Variants in HSD17B6 observed in about 807,000 individuals in gnomAD.
HSD17B6 encodes the protein hydroxysteroid 17-beta dehydrogenase 6.
Under a neutral mutation model 26.4 loss-of-function variants are expected in HSD17B6, and 16 were observed. The ratio of observed to expected loss-of-function variants is 0.61; its 90% CI spans 0.41 to 0.92. The LOEUF (loss-of-function observed/expected upper bound fraction) is 0.92. Among genes scored for constraint, HSD17B6 ranks in the 40% least tolerant of loss-of-function variants. The probability of loss-of-function intolerance (pLI) is 0.00; values close to 1 mark genes in which losing one functional copy is unlikely to be tolerated. For synonymous variants in HSD17B6, 139 were observed against 153.0 expected, an observed-to-expected ratio of 0.91 and a Z score of 0.68; for missense variants, 357 against 386.1, an observed-to-expected ratio of 0.92 and a Z score of 0.63.
At position 56,784,938 on chromosome 12, in the gene HSD17B6, T is replaced by G; in HGVS notation, c.658T>G (p.Leu220Val). ...RTGMTNMTQSLERMKQSWKEA... is the reference protein window; with the variant it reads ...RTGMTNMTQSVERMKQSWKEA... ...GGGAATGACAAACATGACACAGTCC[T>G]TAGAGCGAATGAAGCAAAGTTGGAA... Residue 220 changes from leucine to valine, a missense_variant, in exon 4 of 5, where the codon TTA becomes GTA. Physicochemically the swap from Leu to Val is conservative, Grantham distance 32 (BLOSUM62 1). Coordinates refer to ENST00000322165, the MANE Select transcript of HSD17B6 (RefSeq NM_003725.4). 1 of 1,614,076 alleles carries G rather than the reference T, an allele frequency of 6.2e-7. No homozygotes were observed. Among genetic ancestry groups the G allele is most frequent in the South Asian group, 1.1e-5 (1 of 91,076 alleles).
intron 4 of HSD17B6, 117 bp from the exon 5 acceptor site, chr12:56,787,008 C>A: frequency 1.3e-6 from 1 of 743,248 alleles, no homozygotes; most frequent in Non-Finnish European, 2.2e-6. Context: ...TATTGGGATG[C>A]ACATTCTAGA....
intron 2 of HSD17B6, among the ~76,000 whole-genome samples, chr12:56,777,779 T>A (rs1248218680): frequency 6.6e-6 from 1 of 151,908 alleles, no homozygotes; most frequent in Non-Finnish European, 1.5e-5. Context: ...TCCAGCACTT[T>A]GGGAGGCCGG....
intron 1 of HSD17B6, among the ~76,000 whole-genome samples, chr12:56,767,542 A>C (rs1954359511): frequency 6.8e-6 from 1 of 147,842 alleles, no homozygotes; most frequent in Non-Finnish European, 1.5e-5. Flanking sequence ...AAAACAAAAA[A>C]AAAACAAAAA....
intron 1 of HSD17B6, among the ~76,000 whole-genome samples, chr12:56,771,448 ATTTTTTTTTTT>A (rs35374137): frequency 1.1e-5 from 1 of 93,328 alleles, no homozygotes; most frequent in Non-Finnish European, 2.1e-5. Context: ...AAGGGTTGCA[ATTTTTTTTTTT>A]TTTTTTTTTT....
chr12:56,783,842 G>A (rs1954804615), intron 3 of HSD17B6, among the ~76,000 whole-genome samples: 1 of 151,986 alleles, frequency 6.6e-6, no homozygotes, highest in African/African-American at 2.4e-5. Flanking sequence ...CTCCCGGAGG[G>A]GGTGGCTGCC....
At chr12:56,776,316 T>A (rs1954592163) in intron 2 of HSD17B6, among the ~76,000 whole-genome samples, 1 of 149,928 alleles carries the variant, frequency 6.7e-6, no homozygotes. Flanking sequence ...TTTTTTTTTT[T>A]TTTTTTGAGA....
In HSD17B6 at chr12:56,773,958, G is replaced by C. The variant is rs757482752; in HGVS notation, c.106G>C (p.Gly36Arg). The C allele has an allele frequency of 1.9e-6, 3 of 1,614,120 alleles. No individual in the cohort carries two copies. Among genetic ancestry groups the C allele is most frequent in the South Asian group, 2.2e-5 (2 of 91,082 alleles). The change falls in exon 2 of 5, where the codon GGC (glycine) becomes CGC (arginine). Residue 36 changes from glycine to arginine, a missense_variant. Coordinates refer to ENST00000322165, the MANE Select transcript of HSD17B6 (RefSeq NM_003725.4). ...CCAAGACAAGTATGTCTTTATCACG[G>C]GCTGTGACTCGGGCTTTGGGAACCT... is the stretch of plus-strand genomic sequence containing the variant. ...HLQDKYVFIT[G>R]CDSGFGNLLA...
intron 4 of HSD17B6, among the ~76,000 whole-genome samples, chr12:56,786,249 G>GTTTTTT (rs56722036): frequency 7.9e-6 from 1 of 127,136 alleles, no homozygotes; most frequent in East Asian, 2.3e-4. Flanking sequence ...TAAGTTGTGT[G>GTTTTTT]TTTTTTTTTT....
In HSD17B6 at chr12:56,784,921, C is replaced by G. The variant is rs749147538; in HGVS notation, c.641C>G (p.Thr214Arg). The G allele has an allele frequency of 1.9e-6, 3 of 1,613,958 alleles. No homozygotes were observed. The highest frequency in any genetic ancestry group is 2.5e-6 in the Non-Finnish European group (3 of 1,179,996). The change falls in exon 4 of 5, where the codon ACA becomes AGA. Residue 214 changes from threonine to arginine, a missense_variant. Coordinates refer to ENST00000322165, the MANE Select transcript of HSD17B6 (RefSeq NM_003725.4). ...VEPGYFRTGMTNMTQSLERMK... is the reference protein window; with the variant it reads ...VEPGYFRTGMRNMTQSLERMK... The stretch of plus-strand genomic sequence containing the variant: ...CCTGGCTACTTCAGAACGGGAATGA[C>G]AAACATGACACAGTCCTTAGAGCGA...
chr12:56,777,137 A>G (rs1210118995), intron 2 of HSD17B6, among the ~76,000 whole-genome samples: 1 of 152,148 alleles, frequency 6.6e-6, no homozygotes, highest in Non-Finnish European at 1.5e-5. Context: ...AGTTCCAGCT[A>G]CTTGAGAGGC....
intron 2 of HSD17B6, among the ~76,000 whole-genome samples, chr12:56,774,702 G>T (rs1041747732): frequency 6.6e-6 from 1 of 152,188 alleles, no homozygotes; most frequent in Non-Finnish European, 1.5e-5. Context: ...AGATCATCAG[G>T]CATTAGATTC....
chr12:56,779,120 A>G (rs1323791976), intron 2 of HSD17B6, among the ~76,000 whole-genome samples: 3 of 151,640 alleles, frequency 2.0e-5, no homozygotes, highest in Non-Finnish European at 2.9e-5. Flanking sequence ...TCTTTCATCT[A>G]TACTACTTTA....
At chr12:56,783,260 CG>C (rs1315585586) in intron 3 of HSD17B6, among the ~76,000 whole-genome samples, 6 of 150,010 alleles carry the variant, frequency 4.0e-5, no homozygotes, top group Admixed American at 1.3e-4. Flanking sequence ...GGTGGCCGGG[CG>C]GGGGGCTGAC....
intron 2 of HSD17B6, among the ~76,000 whole-genome samples, chr12:56,776,304 C>CTTTT (rs141890070): frequency 2.6e-5 from 3 of 114,804 alleles, no homozygotes; most frequent in Non-Finnish European, 3.5e-5. Context: ...CATGTCTTGC[C>CTTTT]TTTTTTTTTT....
rs200893415 is a variant in HSD17B6 at position 56,774,137 on chromosome 12, G to T, written c.285G>T (p.Gln95His). 8.3e-5 allele frequency: 131 copies of T among 1,585,690 alleles called. No homozygotes were observed. In the Middle Eastern group the frequency reaches 1.0e-3, roughly 12 times the overall value. Residue 95 changes from glutamine to histidine, a missense_variant, in exon 2 of 5, where the codon CAG (glutamine) becomes CAT (histidine). Gln to His is a conservative substitution (Grantham distance 24). Transcript: ENST00000322165. ...TGGAGAGCATCGCTGCAGCTACTCAGTGGGTGAAGGAGCATGTGGGGGACA... is the reference window on the plus strand; with the variant it reads ...TGGAGAGCATCGCTGCAGCTACTCATTGGGTGAAGGAGCATGTGGGGGACA... ...TKMESIAAAT[Q>H]WVKEHVGDRG...
At chr12:56,778,674 CTTT>C (rs1159153527) in intron 2 of HSD17B6, among the ~76,000 whole-genome samples, 3 of 122,958 alleles carry the variant, frequency 2.4e-5, no homozygotes. Flanking sequence ...GAGTCTTTTT[CTTT>C]TTTTTTTTTT....
intron 2 of HSD17B6, among the ~76,000 whole-genome samples, chr12:56,777,062 T>C (rs376192770): frequency 3.9e-5 from 6 of 152,316 alleles, no homozygotes; most frequent in African/African-American, 9.6e-5. Context: ...AACTCCTCAC[T>C]CTAGGAGTTG....
At chr12:56,778,985 C>CT (rs931513743) in intron 2 of HSD17B6, among the ~76,000 whole-genome samples, 12 of 152,112 alleles carry the variant, frequency 7.9e-5, no homozygotes, top group African/African-American at 2.9e-4. Flanking sequence ...ACCTTGGAGT[C>CT]TTTTTTAATC....
chr12:56,778,413 A>C (rs904882613), intron 2 of HSD17B6, among the ~76,000 whole-genome samples: 5 of 151,728 alleles, frequency 3.3e-5, no homozygotes, highest in Admixed American at 3.3e-4. Flanking sequence ...TCAGCCTCCT[A>C]GGTAGCTGGG....
Sources: allele counts gnomAD v4.1 joint callset (sites outside exome capture counted in the v4.1 genomes callset), GRCh38; gene constraint gnomAD v4.1.1; transcripts MANE v1.5; gene names NCBI Gene and HGNC (gene_info 2026-07-23, HGNC 2026-07-21).